The following TRAM1 variants were observed in gnomAD, a reference collection of about 807,000 sequenced individuals.
The protein encoded by TRAM1 is translocation associated membrane protein 1, also known as translocating chain-associated membrane protein 1.
In TRAM1, 17 loss-of-function variants were observed where a neutral mutation model predicts 48.7. The observed-to-expected ratio is 0.35, with a 90% CI of 0.24 to 0.52. The LOEUF is 0.52. Ranked by LOEUF, TRAM1 falls within the 20% of genes least tolerant of loss-of-function variation. The pLI is 0.94. For synonymous variants in TRAM1, 182 were observed against 154.0 expected, an observed-to-expected ratio of 1.18 and a Z score of -1.34; for missense variants, 351 against 441.5, an observed-to-expected ratio of 0.79 and a Z score of 1.84.
chr8:70,596,270 G>C lies in TRAM1; in HGVS notation c.478C>G (p.Leu160Val). The C allele has an allele frequency of 6.3e-7, 1 of 1,592,858 alleles. No homozygotes were observed. The highest frequency in any genetic ancestry group is 8.5e-7 in the Non-Finnish European group (1 of 1,172,220). ...TILWRAYPHN[L>V]MTFQMKFFYI... The stretch of plus-strand genomic sequence containing the variant: ...CTGCTAAAAATGACTTACGTCATCA[G>C]GTTATGGGGATAAGCCCTCCATAAG... Residue 160 changes from leucine to valine, a missense_variant, in exon 5 of 11, where the codon CTG becomes GTG. Leu to Val is a conservative substitution (Grantham distance 32, BLOSUM62 1). Coordinates refer to ENST00000262213, the MANE Select transcript of TRAM1 (RefSeq NM_014294.6).
At chr8:70,601,230 C>G (rs1817602271) in intron 1 of TRAM1, among the ~76,000 whole-genome samples, 1 of 152,154 alleles carries the variant, frequency 6.6e-6, no homozygotes, top group Non-Finnish European at 1.5e-5. Context: ...TCACTAGATT[C>G]CCATCTTTCT....
At chr8:70,600,714 G>C (rs978587193) in intron 1 of TRAM1, among the ~76,000 whole-genome samples, 5 of 152,184 alleles carry the variant, frequency 3.3e-5, no homozygotes, top group African/African-American at 1.2e-4. Flanking sequence ...GAAAAGTACA[G>C]GTAAATAAAC....
At chr8:70,591,000 A>G (rs1817344225) in intron 6 of TRAM1, among the ~76,000 whole-genome samples, 1 of 148,064 alleles carries the variant, frequency 6.8e-6, no homozygotes, top group Non-Finnish European at 1.5e-5. Flanking sequence ...AACAACAACA[A>G]TAATAATAAA....
chr8:70,575,968 C>T (rs1432350555), intron 10 of TRAM1, among the ~76,000 whole-genome samples: 3 of 150,266 alleles, frequency 2.0e-5, no homozygotes, highest in African/African-American at 7.4e-5. Flanking sequence ...TCCTGACTAC[C>T]TGGGAGGCAG....
chr8:70,581,542 G>C (rs1817074259), intron 10 of TRAM1, among the ~76,000 whole-genome samples: 2 of 152,188 alleles, frequency 1.3e-5, no homozygotes, highest in Non-Finnish European at 2.9e-5. Flanking sequence ...CCACTTCAAA[G>C]AACAGTTTGG....
rs374604615 is a variant in TRAM1 at position 70,596,143 on chromosome 8, T to C, written c.485+120A>G. 1.2e-5 allele frequency: 8 copies of C among 681,972 alleles called. No homozygotes were observed. The South Asian group carries it at 3.3e-4, about 29-fold the overall frequency. The allele number at this position is 681,972 out of a possible 1,614,324, so 42.2% of individuals were successfully genotyped here. A position where few individuals can be genotyped will look rare whatever the true frequency, so the allele number is the denominator to read the frequency against. On this transcript the variant is annotated intron_variant, in intron 5 of 10. Transcript: ENST00000262213. ...TACGGCAGTGGGACTGTCAAAGACATATTTTCATCTATTTTATGCATTTGC... is the reference window on the plus strand; with the variant it reads ...TACGGCAGTGGGACTGTCAAAGACACATTTTCATCTATTTTATGCATTTGC...
chr8:70,608,380 A>AT lies in TRAM1; in HGVS notation c.-182_-181insA. On this transcript the variant is annotated 5_prime_UTR_variant, in exon 1 of 11. Transcript: ENST00000262213. ...CCGCCGGGCCGCCCGGGGGAAAAAA[A>AT]AAAACACAACAGCTAGCCCGCAGCG... 1.5e-6 allele frequency: 1 copy of AT among 646,366 alleles called. No individual in the cohort carries two copies. The highest frequency in any genetic ancestry group is 2.3e-6 in the Non-Finnish European group (1 of 425,810). The allele number at this position is 646,366 out of a possible 1,614,324, so 40.0% of individuals were successfully genotyped here.
Position 70,598,129 on chromosome 8 carries a change from C to T in TRAM1, c.309+5G>A. 6.2e-7 allele frequency: 1 copy of T among 1,610,098 alleles called. No homozygotes were observed. Among genetic ancestry groups the T allele is most frequent in the Non-Finnish European group, 8.5e-7 (1 of 1,178,048 alleles). On this transcript the variant is annotated splice_donor_5th_base_variant and intron_variant, in intron 3 of 10. Transcript: ENST00000262213. ...AAGTATAGATTTCTAAGACTGCATA[C>T]TTACATCCAACATATACTCTTGAAT...
chr8:70,592,358 C>G (rs886181568), intron 6 of TRAM1, among the ~76,000 whole-genome samples: 4 of 152,104 alleles, frequency 2.6e-5, no homozygotes, highest in Non-Finnish European at 4.4e-5. Context: ...CTAGTTTCTT[C>G]CAGTAAAGAG....
At chr8:70,585,030 T>C (rs1021010689) in intron 8 of TRAM1, among the ~76,000 whole-genome samples, 1 of 152,082 alleles carries the variant, frequency 6.6e-6, no homozygotes, top group African/African-American at 2.4e-5. Context: ...CTTCAAACTA[T>C]ACTACAAGGC....
chr8:70,578,429 G>A (rs1817006738), intron 10 of TRAM1, among the ~76,000 whole-genome samples: 1 of 152,248 alleles, frequency 6.6e-6, no homozygotes, highest in Non-Finnish European at 1.5e-5. Flanking sequence ...GGGTAGAGGA[G>A]TTCAAGACTA....
intron 10 of TRAM1, among the ~76,000 whole-genome samples, chr8:70,581,290 G>A: frequency 6.6e-6 from 1 of 152,140 alleles, no homozygotes; most frequent in East Asian, 1.9e-4. Flanking sequence ...CAACAACAAT[G>A]GGGACTCACA....
chr8:70,586,867 C>G (rs200752264), intron 8 of TRAM1, 28 bp downstream of exon 8: 5 of 1,585,108 alleles, frequency 3.2e-6, no homozygotes, highest in South Asian at 1.1e-5. Flanking sequence ...ACCTAGTACA[C>G]GAGAAATAGA....
At chr8:70,607,616 C>T (rs1432108359) in intron 1 of TRAM1, 2 of 420,548 alleles carry the variant, frequency 4.8e-6, no homozygotes, top group Non-Finnish European at 3.2e-6. Context: ...CGGGCCTCGG[C>T]CTTCCCCGGC....
chr8:70,607,968 C>G (rs1027383337), intron 1 of TRAM1, 109 bp downstream of exon 1: 3 of 1,375,968 alleles, frequency 2.2e-6, no homozygotes, highest in Admixed American at 6.1e-5. Context: ...GCACCCACCC[C>G]GGGCCCGAGC....
intron 6 of TRAM1, among the ~76,000 whole-genome samples, chr8:70,593,214 GACA>G (rs762635044): frequency 1.3e-5 from 2 of 152,156 alleles, no homozygotes; most frequent in Admixed American, 6.5e-5. Context: ...AATCCTAGCA[GACA>G]ACATGAGTAA....
intron 6 of TRAM1, among the ~76,000 whole-genome samples, chr8:70,590,576 G>A (rs982812547): frequency 6.6e-6 from 1 of 152,198 alleles, no homozygotes; most frequent in Non-Finnish European, 1.5e-5. Context: ...ATGCTGCACT[G>A]TAGCCTCCAA....
intron 8 of TRAM1, among the ~76,000 whole-genome samples, chr8:70,586,022 T>C (rs1310132278): frequency 1.3e-5 from 2 of 150,858 alleles, no homozygotes; most frequent in Non-Finnish European, 1.5e-5. Flanking sequence ...TGGAACCAAC[T>C]CAAATGTCCA....
At chr8:70,599,723 C>A (rs1292408627) in intron 2 of TRAM1, among the ~76,000 whole-genome samples, 1 of 152,150 alleles carries the variant, frequency 6.6e-6, no homozygotes, top group African/African-American at 2.4e-5. Flanking sequence ...TTAAAAAGAT[C>A]TTTTCTTATA....
Sources: allele counts gnomAD v4.1 joint callset (sites outside exome capture counted in the v4.1 genomes callset), GRCh38; gene constraint gnomAD v4.1.1; transcripts MANE v1.5; gene names NCBI Gene and HGNC (gene_info 2026-07-23, HGNC 2026-07-21).